NAALADL2: variants seen among roughly 807,000 people sequenced by gnomAD.
The protein encoded by NAALADL2 is inactive N-acetylated-alpha-linked acidic dipeptidase-like protein 2.
Under a neutral mutation model 87.2 loss-of-function variants are expected in NAALADL2, and 76 were observed. The ratio of observed to expected loss-of-function variants is 0.87; its 90% confidence interval spans 0.72 to 1.05. The LOEUF (loss-of-function observed/expected upper bound fraction) is 1.05. Ranked by LOEUF, NAALADL2 falls within the 50% of genes least tolerant of loss-of-function variation. NAALADL2 has a pLI of 0.00. For synonymous variants in NAALADL2, 354 were observed against 331.0 expected, an observed-to-expected ratio of 1.07 and a Z score of -0.75; for missense variants, 1,089 against 945.8, an observed-to-expected ratio of 1.15 and a Z score of -1.99.
At chr3:175,697,813 GTATGTATACA>G (rs1738088603) in intron 11 of NAALADL2, among the ~76,000 whole-genome samples, 4 of 133,958 alleles carry the variant, frequency 3.0e-5, no homozygotes, top group African/African-American at 5.6e-5. Context: ...ATATATTTAT[GTATGTATACA>G]TATATATGTG....
In NAALADL2 at chr3:175,596,831, A is replaced by G. The variant is rs190078987; in HGVS notation, c.1800+20644A>G. Among the ~76,000 whole-genome samples, 6 of 152,072 alleles carry G rather than the reference A, an allele frequency of 3.9e-5. No individual in the cohort carries two copies. The East Asian group carries it at 1.2e-3, about 29-fold the overall frequency. Reference sequence around the variant, plus strand: ...CATTTATTTTTACCGCCTAAGTCCTAAAAGTTGTTTTCCATATCTGCAGTC... The same window carrying G: ...CATTTATTTTTACCGCCTAAGTCCTGAAAGTTGTTTTCCATATCTGCAGTC... On this transcript the variant is annotated intron_variant, in intron 10 of 13. Coordinates refer to ENST00000454872, the MANE Select transcript of NAALADL2 (RefSeq NM_207015.3).
chr3:175,468,092 T>A (rs1724350956), intron 8 of NAALADL2, among the ~76,000 whole-genome samples: 3 of 151,976 alleles, frequency 2.0e-5, no homozygotes, highest in Admixed American at 6.6e-5. Context: ...TTATTTTTAA[T>A]CACTCAAAAA....
intron 11 of NAALADL2, among the ~76,000 whole-genome samples, chr3:175,662,487 T>G (rs1433589549): frequency 6.6e-6 from 1 of 151,988 alleles, no homozygotes; most frequent in East Asian, 1.9e-4. Context: ...TATTTCTTTT[T>G]CTTACCTAAT....
chr3:175,476,960 C>G (rs760413278), intron 9 of NAALADL2, among the ~76,000 whole-genome samples: 1 of 151,920 alleles, frequency 6.6e-6, no homozygotes, highest in East Asian at 1.9e-4. Context: ...CTTGTTATAC[C>G]CTAGAGCTTG....
At chr3:175,470,219 A>C (rs1724662741) in intron 8 of NAALADL2, among the ~76,000 whole-genome samples, 1 of 152,102 alleles carries the variant, frequency 6.6e-6, no homozygotes, top group Admixed American at 6.6e-5. Context: ...AACAGAGTGT[A>C]GAATGGTGGT....
chr3:174,837,431 A>G (rs372093126), intron 3 of NAALADL2, among the ~76,000 whole-genome samples: 71 of 152,318 alleles, frequency 4.7e-4, no homozygotes, highest in African/African-American at 1.4e-3. Flanking sequence ...CAACCTTTTT[A>G]TCTTAAATTA....
At chr3:175,120,467 G>GGACT (rs1725988892) in intron 2 of NAALADL2, among the ~76,000 whole-genome samples, 1 of 151,740 alleles carries the variant, frequency 6.6e-6, no homozygotes, top group Non-Finnish European at 1.5e-5. Flanking sequence ...TCATAAAAAA[G>GGACT]GACTGTGTGT....
chr3:175,732,102 C>G (rs1227741899), intron 11 of NAALADL2, among the ~76,000 whole-genome samples: 2 of 152,100 alleles, frequency 1.3e-5, no homozygotes, highest in African/African-American at 4.8e-5. Flanking sequence ...TGAAGTACAG[C>G]GTAATCAGAG....
intron 5 of NAALADL2, among the ~76,000 whole-genome samples, chr3:175,365,868 CT>C (rs1023617195): frequency 7.5e-5 from 11 of 146,680 alleles, no homozygotes; most frequent in African/African-American, 9.9e-5. Flanking sequence ...ACTTTATTAT[CT>C]TTTTTTAATT....
chr3:175,683,032 A>G (rs1299386818), intron 11 of NAALADL2, among the ~76,000 whole-genome samples: 1 of 152,050 alleles, frequency 6.6e-6, no homozygotes, highest in Non-Finnish European at 1.5e-5. Flanking sequence ...GCTGAATGCA[A>G]TGTTGATATA....
At chr3:175,792,695 A>G (rs1447548630) in intron 13 of NAALADL2, among the ~76,000 whole-genome samples, 2 of 152,230 alleles carry the variant, frequency 1.3e-5, no homozygotes, top group Admixed American at 1.3e-4. Context: ...AAAGAACACA[A>G]AGCCGTACTC....
At chr3:174,998,483 G>A (rs1028070909) in intron 1 of NAALADL2, among the ~76,000 whole-genome samples, 1 of 152,186 alleles carries the variant, frequency 6.6e-6, no homozygotes, top group Admixed American at 6.5e-5. Context: ...AAATCCTGGA[G>A]CTTAATTTAG....
intron 4 of NAALADL2, among the ~76,000 whole-genome samples, chr3:175,316,818 A>T (rs1177395830): frequency 6.6e-6 from 1 of 152,194 alleles, no homozygotes; most frequent in Non-Finnish European, 1.5e-5. Flanking sequence ...AACACTTCTC[A>T]TTTGGTTTGG....
At chr3:175,369,349 A>C in intron 5 of NAALADL2, among the ~76,000 whole-genome samples, 1 of 152,084 alleles carries the variant, frequency 6.6e-6, no homozygotes. Flanking sequence ...GTGTGTGTAC[A>C]TATACATGTT....
chr3:174,818,262 C>T (rs1401570194), intron 3 of NAALADL2, among the ~76,000 whole-genome samples: 2 of 152,114 alleles, frequency 1.3e-5, no homozygotes, highest in African/African-American at 4.8e-5. Context: ...GATGGTCAAA[C>T]ATTCCTGGAG....
intron 3 of NAALADL2, among the ~76,000 whole-genome samples, chr3:175,243,421 T>C (rs528179689): frequency 1.3e-5 from 2 of 151,916 alleles, no homozygotes; most frequent in East Asian, 3.9e-4. Flanking sequence ...TTCCCAATTC[T>C]CATGATCTCT....
rs116599756 is a variant in NAALADL2 at position 175,184,194 on chromosome 3, G to A, written c.546-49737G>A. 3.1e-3 allele frequency among the ~76,000 whole-genome samples: 477 copies of A among 152,114 alleles called. 3 individuals carry two copies. The highest frequency in any genetic ancestry group is 5.7e-3 in the Non-Finnish European group (386 of 67,970). On this transcript the variant is annotated intron_variant, in intron 2 of 13. Coordinates refer to ENST00000454872, the MANE Select transcript of NAALADL2 (RefSeq NM_207015.3). ...CTAAAATTTTCATTGTAGGATCAAC[G>A]CCATCTGGAAGAATGGAGTTTGCAT... is the stretch of plus-strand genomic sequence containing the variant.
chr3:175,040,336 C>T (rs1753917723), intron 1 of NAALADL2, among the ~76,000 whole-genome samples: 1 of 151,986 alleles, frequency 6.6e-6, no homozygotes, highest in South Asian at 2.1e-4. Flanking sequence ...CTGTTTTTTC[C>T]CCTTCATCAT....
intron 1 of NAALADL2, among the ~76,000 whole-genome samples, chr3:174,967,126 A>C (rs550801125): frequency 6.6e-6 from 1 of 152,270 alleles, no homozygotes; most frequent in South Asian, 2.1e-4. Context: ...GATTATGTCT[A>C]ATAAATCGGA....
Sources: allele counts gnomAD v4.1 joint callset (sites outside exome capture counted in the v4.1 genomes callset), GRCh38; gene constraint gnomAD v4.1.1; transcripts MANE v1.5; gene names NCBI Gene and HGNC (gene_info 2026-07-23, HGNC 2026-07-21).